Variants in RNFT1 observed in about 807,000 individuals in gnomAD.
The protein encoded by RNFT1 is ring finger protein, transmembrane 1.
A neutral mutation model predicts 53.2 loss-of-function variants in RNFT1; 35 were observed. The ratio of observed to expected loss-of-function variants is 0.66; its 90% CI spans 0.50 to 0.87. RNFT1 has a LOEUF of 0.87. Ranked by LOEUF, RNFT1 falls within the 40% of genes least tolerant of loss-of-function variation. RNFT1 has a pLI of 0.00. For missense variants in RNFT1, 421 were observed against 515.0 expected, an observed-to-expected ratio of 0.82 and a Z score of 1.77; for synonymous variants, 141 against 172.8, an observed-to-expected ratio of 0.82 and a Z score of 1.44.
chr17:59,958,725 A>G (rs1210207279), intron 4 of RNFT1: 2 of 486,924 alleles, frequency 4.1e-6, no homozygotes, highest in South Asian at 3.2e-5. Context: ...AAACTCATCA[A>G]TACCAGACAT....
In RNFT1 at chr17:59,964,645, A is replaced by C; in HGVS notation, c.19T>G (p.Ser7Ala). MPLFLL[S>A]LPTPPSASGH... ...GAAGCGGACGGAGGTGTCGGGAGCG[A>C]CAGCAAGAACAGCGGCATACACCGC... is the stretch of plus-strand genomic sequence containing the variant. The change falls in exon 1 of 9, where the codon TCG (serine) becomes GCG (alanine). Residue 7 changes from serine (S) to alanine (A), a missense_variant. Physicochemically the swap from Ser to Ala is moderately conservative, Grantham distance 99 (BLOSUM62 1). Transcript: ENST00000305783. 1 of 1,608,368 alleles carries C rather than the reference A, an allele frequency of 6.2e-7. No individual in the cohort carries two copies. The highest frequency in any genetic ancestry group is 1.1e-5 in the South Asian group (1 of 89,958).
chr17:59,957,003 T>C (rs1325545643), intron 6 of RNFT1, among the ~76,000 whole-genome samples: 2 of 152,226 alleles, frequency 1.3e-5, no homozygotes, highest in East Asian at 1.9e-4. Context: ...ATCCACGCTA[T>C]GTGAAGGTCG....
chr17:59,952,801 T>C lies in RNFT1; in HGVS notation c.*176A>G, dbSNP rs1157635985. On this transcript the variant is annotated 3_prime_UTR_variant, in exon 9 of 9. Coordinates refer to ENST00000305783, the MANE Select transcript of RNFT1 (RefSeq NM_016125.4). Reference sequence around the variant, plus strand: ...ACATTAGGTTGAACATTATATATATTTTAAAACACAGGGTGGTTTCATTTA... The same window carrying C: ...ACATTAGGTTGAACATTATATATATCTTAAAACACAGGGTGGTTTCATTTA... The C allele has an allele frequency of 1.3e-5, 7 of 531,714 alleles. No homozygotes were observed. Among genetic ancestry groups the C allele is most frequent in the Non-Finnish European group, 2.0e-5 (6 of 306,354 alleles). The allele number at this position is 531,714 out of a possible 1,614,324, so 32.9% of individuals were successfully genotyped here. A position where few individuals can be genotyped will look rare whatever the true frequency, so the allele number is the denominator to read the frequency against.
intron 6 of RNFT1, 97 bp downstream of exon 6, chr17:59,957,127 A>C: frequency 8.3e-7 from 1 of 1,209,488 alleles, no homozygotes; most frequent in Non-Finnish European, 1.2e-6. Flanking sequence ...AGTGATATGA[A>C]GATAAACTAT....
At chr17:59,963,736 AAAAC>A (rs1214292173) in intron 1 of RNFT1, among the ~76,000 whole-genome samples, 2 of 151,134 alleles carry the variant, frequency 1.3e-5, no homozygotes, top group Admixed American at 1.3e-4. Context: ...GTTAGGAAAA[AAAAC>A]AACATTAAAT....
chr17:59,953,481 G>A (rs2045234583), intron 8 of RNFT1, among the ~76,000 whole-genome samples: 2 of 152,190 alleles, frequency 1.3e-5, no homozygotes, highest in South Asian at 2.1e-4. Context: ...GATTACAGGC[G>A]TGAGCCACTG....
In RNFT1 at chr17:59,964,718, T is replaced by C; in HGVS notation, c.-55A>G. 2.0e-6 allele frequency: 3 copies of C among 1,527,360 alleles called. No individual in the cohort carries two copies. Among genetic ancestry groups the C allele is most frequent in the African/African-American group, 1.4e-5 (1 of 70,926 alleles). 94.6% of individuals were successfully genotyped at this position (1,527,360 alleles called of 1,614,324 possible). On this transcript the variant is annotated 5_prime_UTR_variant, in exon 1 of 9. Coordinates refer to ENST00000305783, the MANE Select transcript of RNFT1 (RefSeq NM_016125.4). ...ATCAACCGCAAACCCCGCAAGCTCTTCTCTCAGCCCGGCGGCAACGGCGGC... is the reference window on the plus strand; with the variant it reads ...ATCAACCGCAAACCCCGCAAGCTCTCCTCTCAGCCCGGCGGCAACGGCGGC...
In RNFT1 at chr17:59,964,617, C is replaced by G. The variant is rs760103344; in HGVS notation, c.47G>C (p.Gly16Ala). 8.7e-6 allele frequency: 14 copies of G among 1,606,472 alleles called. No individual in the cohort carries two copies. Among genetic ancestry groups the G allele is most frequent in the Non-Finnish European group, 1.2e-5 (14 of 1,176,628 alleles). ...TTCCCCCAGGCCTAACCTCTCATGA[C>G]CAGAAGCGGACGGAGGTGTCGGGAG... Reference protein sequence around the residue: ...LSLPTPPSASGHERRQRPEAK... With the variant: ...LSLPTPPSASAHERRQRPEAK... Residue 16 changes from glycine (G) to alanine (A), a missense_variant, in exon 1 of 9, where the codon GGT becomes GCT. Coordinates refer to ENST00000305783, the MANE Select transcript of RNFT1 (RefSeq NM_016125.4).
At chr17:59,962,042 C>T (rs2045297313) in intron 3 of RNFT1, among the ~76,000 whole-genome samples, 1 of 152,100 alleles carries the variant, frequency 6.6e-6, no homozygotes, top group Non-Finnish European at 1.5e-5. Flanking sequence ...CATGCCACCA[C>T]ACCTAGCTAA....
In RNFT1 at chr17:59,964,632, G is replaced by A. The variant is rs765045697; in HGVS notation, c.32C>T (p.Pro11Leu). Reference sequence around the variant, plus strand: ...CCTCTCATGACCAGAAGCGGACGGAGGTGTCGGGAGCGACAGCAAGAACAG... The same window carrying A: ...CCTCTCATGACCAGAAGCGGACGGAAGTGTCGGGAGCGACAGCAAGAACAG... MPLFLLSLPTPPSASGHERRQ... is the reference protein window; with the variant it reads MPLFLLSLPTLPSASGHERRQ... Residue 11 changes from proline (P) to leucine (L), a missense_variant, in exon 1 of 9, where the codon CCT becomes CTT. Pro to Leu is a moderately conservative substitution (Grantham distance 98). Transcript: ENST00000305783. 2 of 1,608,204 alleles carry A rather than the reference G, an allele frequency of 1.2e-6. No individual in the cohort carries two copies. The highest frequency in any genetic ancestry group is 2.2e-5 in the South Asian group (2 of 89,908).
chr17:59,964,501 C>G (rs1258437368), intron 1 of RNFT1, 107 bp downstream of exon 1: 1 of 934,222 alleles, frequency 1.1e-6, no homozygotes, highest in African/African-American at 1.7e-5. Flanking sequence ...TCTCCGAGGG[C>G]AGAGTTCTCC....
chr17:59,956,588 A>C (rs1309693559), intron 6 of RNFT1, 35 bp from the exon 7 acceptor site: 1 of 1,549,016 alleles, frequency 6.5e-7, no homozygotes, highest in Non-Finnish European at 8.9e-7. Context: ...TTATTAATTC[A>C]AACAGTCCTA....
rs370354835 is a variant in RNFT1, at chr17:59,953,065, T to C, written c.1220A>G (p.Lys407Arg). Residue 407 changes from lysine (K) to arginine (R), a missense_variant, in exon 9 of 9, where the codon AAA becomes AGA. Physicochemically the swap from Lys to Arg is conservative, Grantham distance 26. Transcript: ENST00000305783. The part of the protein sequence containing the change: ...ECMTLWFNRE[K>R]TCPLCRTVIS... ...CACAGTTCTGCAGAGTGGACATGTT[T>C]TCTCTCTGTTAAACCATAAGGTCAT... 198 of 1,612,656 alleles carry C rather than the reference T, an allele frequency of 1.2e-4. No individual in the cohort carries two copies. In the Middle Eastern group the frequency reaches 1.7e-3, roughly 13 times the overall value.
rs748931984 is a variant in RNFT1 at position 59,958,430 on chromosome 17, T to C, written c.707A>G (p.Asn236Ser). 6.4e-6 allele frequency: 10 copies of C among 1,568,028 alleles called. No individual in the cohort carries two copies. The highest frequency in any genetic ancestry group is 7.7e-6 in the Non-Finnish European group (9 of 1,166,582). Residue 236 changes from asparagine to serine, a missense_variant, in exon 5 of 9, where the codon AAT (asparagine) becomes AGT (serine). By Grantham distance (46) the Asn-to-Ser change is conservative. Transcript: ENST00000305783. ...GAAGCTCAAATGGTCCAAAGTAGGA[T>C]TTAAAAAAATTAAGCTACCAAAAGA... ...QSLYYSLIFL[N>S]PTLDHLSFWE...
chr17:59,964,376 C>T (rs980506529), intron 1 of RNFT1, among the ~76,000 whole-genome samples: 5 of 152,110 alleles, frequency 3.3e-5, no homozygotes, highest in African/African-American at 1.2e-4. Flanking sequence ...CGACGTTGGA[C>T]AGCAGGCTTT....
At chr17:59,959,271 C>T (rs143076700) in intron 4 of RNFT1, 6 of 152,618 alleles carry the variant, frequency 3.9e-5, no homozygotes, top group African/African-American at 1.2e-4. Context: ...AGAGGTCATT[C>T]TTGCTTCTCT....
chr17:59,952,278 G>A lies in RNFT1; in HGVS notation c.*699C>T, dbSNP rs1460722446. On this transcript the variant is annotated 3_prime_UTR_variant, in exon 9 of 9. Coordinates refer to ENST00000305783, the MANE Select transcript of RNFT1 (RefSeq NM_016125.4). ...TGAATTATTTTAATAGTTACTTCGA[G>A]ATACTCCATGGTACTATACAAAAAG... The A allele has an allele frequency of 1.3e-5, 2 of 152,110 alleles. No homozygotes were observed. 9.4% of individuals were successfully genotyped at this position (152,110 alleles called of 1,614,324 possible).
At chr17:59,964,514 C>T in intron 1 of RNFT1, 94 bp downstream of exon 1, 1 of 1,170,910 alleles carries the variant, frequency 8.5e-7, no homozygotes, top group Non-Finnish European at 1.2e-6. Flanking sequence ...AGTTCTCCAC[C>T]CACGTCCGAG....
chr17:59,962,453 A>G (rs2045300601), intron 3 of RNFT1, 87 bp downstream of exon 3: 2 of 877,558 alleles, frequency 2.3e-6, no homozygotes, highest in Admixed American at 2.3e-5. Flanking sequence ...ATTTCTTTCA[A>G]GTTATTTCCT....
Sources: gnomAD v4.1 joint callset for allele counts (sites outside exome capture counted in the v4.1 genomes callset) on GRCh38, gnomAD v4.1.1 for gene constraint, MANE v1.5 for transcripts, NCBI Gene and HGNC (gene_info 2026-07-23, HGNC 2026-07-21) for gene names.